HDAC9: variants seen among roughly 807,000 people sequenced by gnomAD.
HDAC9 encodes histone deacetylase 9, also known as MEF-2 interacting transcription repressor (MITR) protein.
Under a neutral mutation model 139.4 loss-of-function variants are expected in HDAC9, and 41 were observed. The ratio of observed to expected loss-of-function variants is 0.29; its 90% CI spans 0.23 to 0.38. The LOEUF (loss-of-function observed/expected upper bound fraction) is 0.38. Among genes scored for constraint, HDAC9 ranks in the 10% least tolerant of loss-of-function variants. HDAC9 has a pLI of 1.00. For synonymous variants in HDAC9, 517 were observed against 476.2 expected (o/e 1.09, Z -1.12); for missense variants, 1,147 against 1,297.0 (o/e 0.88, Z 1.78).
intron 23 of HDAC9, among the ~76,000 whole-genome samples, chr7:18,945,801 G>C (rs1024958934): frequency 6.6e-6 from 1 of 151,878 alleles, no homozygotes; most frequent in Non-Finnish European, 1.5e-5. Context: ...CACTTTGGGA[G>C]GCCAAGGTGG....
At chr7:18,881,882 C>G (rs1437181574) in intron 22 of HDAC9, among the ~76,000 whole-genome samples, 1 of 152,086 alleles carries the variant, frequency 6.6e-6, no homozygotes, top group Non-Finnish European at 1.5e-5. Context: ...TAGAAGTCAC[C>G]TACCCACCAG....
chr7:18,939,633 T>C (rs1444592134), intron 23 of HDAC9, among the ~76,000 whole-genome samples: 2 of 152,194 alleles, frequency 1.3e-5, no homozygotes, highest in African/African-American at 4.8e-5. Context: ...ATATAAGGCG[T>C]ATTACATGTA....
At chr7:18,534,762 G>A (rs1385669108) in intron 2 of HDAC9, among the ~76,000 whole-genome samples, 4 of 152,150 alleles carry the variant, frequency 2.6e-5, no homozygotes, top group African/African-American at 4.8e-5. Context: ...TGTGTCCCAC[G>A]TTTCTGCTAG....
At chr7:18,370,141 G>C (rs1049980701) in intron 1 of HDAC9, among the ~76,000 whole-genome samples, 1 of 152,062 alleles carries the variant, frequency 6.6e-6, no homozygotes, top group Non-Finnish European at 1.5e-5. Flanking sequence ...AAATTTATTC[G>C]TGCAAACCAT....
chr7:18,648,908 C>G (rs908167952), intron 11 of HDAC9, among the ~76,000 whole-genome samples: 1 of 152,160 alleles, frequency 6.6e-6, no homozygotes, highest in African/African-American at 2.4e-5. Flanking sequence ...GATACATTCA[C>G]AAGATCTTTT....
intron 1 of HDAC9, among the ~76,000 whole-genome samples, chr7:18,300,804 A>G (rs612977): frequency 0.18 from 27,270 of 152,042 alleles, 2,581 homozygotes; most frequent in East Asian, 0.26. Context: ...TAGAAGACAA[A>G]GATGATTTTG....
intron 6 of HDAC9, among the ~76,000 whole-genome samples, chr7:18,595,631 C>G (rs1445451200): frequency 2.0e-5 from 3 of 152,096 alleles, no homozygotes; most frequent in Admixed American, 2.0e-4. Context: ...CCCCTTATGG[C>G]AGGAGGTTAC....
intron 1 of HDAC9, among the ~76,000 whole-genome samples, chr7:18,438,395 T>G (rs1458072237): frequency 1.3e-5 from 2 of 152,146 alleles, no homozygotes; most frequent in Non-Finnish European, 2.9e-5. Flanking sequence ...TGAGGGACCA[T>G]GTTTTCATTT....
At chr7:18,865,021 A>G (rs569118909) in intron 21 of HDAC9, among the ~76,000 whole-genome samples, 88 of 152,336 alleles carry the variant, frequency 5.8e-4, no homozygotes, top group African/African-American at 2.0e-3. Context: ...GCCAAGCTTC[A>G]CTGACCAGAG....
At position 18,379,855 on chromosome 7, in the gene HDAC9, T is replaced by C. The variant is rs138748023; in HGVS notation, c.-42+89340T>C. Among the ~76,000 whole-genome samples the C allele has an allele frequency of 5.9e-5, 9 of 152,328 alleles. No homozygotes were observed. In the East Asian group the frequency reaches 1.2e-3, roughly 20 times the overall value. Reference sequence around the variant, plus strand: ...AGATCTAAGGTATCTTATTTCCACATAGATGCTGCAGATTTCCTAAAGGAT... The same window carrying C: ...AGATCTAAGGTATCTTATTTCCACACAGATGCTGCAGATTTCCTAAAGGAT... On this transcript the variant is annotated intron_variant, in intron 1 of 3. Coordinates refer to the HDAC9 transcript ENST00000413509.
chr7:18,255,626 CTTTTTT>C lies in HDAC9; in HGVS notation c.25+93291_25+93296del, dbSNP rs11386457. 3.7e-4 allele frequency among the ~76,000 whole-genome samples: 42 copies of C among 113,608 alleles called. No homozygotes were observed. In the South Asian group the frequency reaches 8.3e-3, roughly 22 times the overall value. The allele number at this position is 113,608 out of a possible 152,430, so 74.5% of individuals were successfully genotyped here. On this transcript the variant is annotated intron_variant, in intron 2 of 12. Coordinates refer to the HDAC9 transcript ENST00000417496. ...ATGAGTTTTCTTTTCTTTTTCTTTC[CTTTTTT>C]TTTTTTTTTTTTTGGAGATGGAGTC...
At chr7:18,434,289 A>G (rs1307770581) in intron 1 of HDAC9, among the ~76,000 whole-genome samples, 1 of 152,220 alleles carries the variant, frequency 6.6e-6, no homozygotes, top group Non-Finnish European at 1.5e-5. Context: ...ACTTAAGTGT[A>G]AAACCTGAAC....
chr7:18,904,898 G>GTTTGT (rs1245136482), intron 22 of HDAC9, among the ~76,000 whole-genome samples: 7 of 149,576 alleles, frequency 4.7e-5, no homozygotes, highest in African/African-American at 1.7e-4. Flanking sequence ...TTTTTAACTA[G>GTTTGT]TTTGTTTTGT....
At chr7:18,884,892 T>C (rs1800016512) in intron 22 of HDAC9, among the ~76,000 whole-genome samples, 2 of 152,178 alleles carry the variant, frequency 1.3e-5, no homozygotes. Context: ...CCTCCTCTCT[T>C]TACTGTTTAA....
rs60514746 is a variant in HDAC9, at chr7:18,390,047, A to AACACACACACACACAC, written c.-42+99565_-42+99580dup. Among the ~76,000 whole-genome samples, 54 of 130,496 alleles carry AACACACACACACACAC rather than the reference A, an allele frequency of 4.1e-4. 1 individual carries two copies. Among genetic ancestry groups the AACACACACACACACAC allele is most frequent in the South Asian group, 2.1e-3 (7 of 3,370 alleles). 85.6% of individuals were successfully genotyped at this position (130,496 alleles called of 152,430 possible). On this transcript the variant is annotated intron_variant, in intron 1 of 3. Coordinates refer to the HDAC9 transcript ENST00000413509. The stretch of plus-strand genomic sequence containing the variant: ...GTTGTGTTTGACCCTAGAGAAAGAC[A>AACACACACACACACAC]ACACACACACACACACACACACACA...
chr7:18,712,914 T>G (rs1395443464), intron 12 of HDAC9, among the ~76,000 whole-genome samples: 2 of 152,214 alleles, frequency 1.3e-5, no homozygotes, highest in Admixed American at 6.5e-5. Flanking sequence ...AGATTTACTT[T>G]GTTTCTATTG....
chr7:18,934,925 A>G (rs1010389016), intron 22 of HDAC9, among the ~76,000 whole-genome samples: 4 of 152,210 alleles, frequency 2.6e-5, no homozygotes, highest in Non-Finnish European at 2.9e-5. Flanking sequence ...TGCCAATAGA[A>G]GAATGGGTAA....
intron 2 of HDAC9, among the ~76,000 whole-genome samples, chr7:18,180,178 A>C (rs1178342): frequency 0.02 from 3,057 of 150,572 alleles, 109 homozygotes; most frequent in African/African-American, 0.071. Context: ...GTGTTTTTAC[A>C]CTGTTTGTCA....
chr7:18,824,093 G>GAAC (rs1795230335), intron 17 of HDAC9, among the ~76,000 whole-genome samples: 16 of 150,784 alleles, frequency 1.1e-4, no homozygotes, highest in East Asian at 6.0e-4. Context: ...AGAAGAACAA[G>GAAC]AACAAGAAGG....
Sources: gnomAD v4.1 joint callset for allele counts (sites outside exome capture counted in the v4.1 genomes callset) on GRCh38, gnomAD v4.1.1 for gene constraint, MANE v1.5 for transcripts, NCBI Gene and HGNC (gene_info 2026-07-23, HGNC 2026-07-21) for gene names.